Variants in NMNAT2 observed in about 807,000 individuals in gnomAD.
NMNAT2 encodes nicotinamide/nicotinic acid mononucleotide adenylyltransferase 2.
In NMNAT2, 11 loss-of-function variants were observed where a neutral mutation model predicts 41.6. That is an observed-to-expected ratio of 0.26 (90% CI 0.17 to 0.44). The LOEUF (loss-of-function observed/expected upper bound fraction) is 0.44, where lower values mean the gene tolerates loss of function less well. NMNAT2 is among the 20% of genes least tolerant of loss of function. The probability of loss-of-function intolerance (pLI) is 1.00; values close to 1 mark genes in which losing one functional copy is unlikely to be tolerated. For missense variants in NMNAT2, 288 were observed against 407.7 expected (o/e 0.71, Z 2.53); for synonymous variants, 148 against 151.2 (o/e 0.98, Z 0.16).
chr1:183,339,107 A>T (rs1460184612), intron 1 of NMNAT2, among the ~76,000 whole-genome samples: 2 of 151,532 alleles, frequency 1.3e-5, no homozygotes, highest in Non-Finnish European at 2.9e-5. Context: ...TTTTATTTTT[A>T]TTTTTTTTGA....
At position 183,406,310 on chromosome 1, in the gene NMNAT2, A is replaced by G. The variant is rs555298422; in HGVS notation, c.85+11873T>C. Among the ~76,000 whole-genome samples, 11 of 152,306 alleles carry G rather than the reference A, an allele frequency of 7.2e-5. No homozygotes were observed. The East Asian group carries it at 2.1e-3, about 29-fold the overall frequency. On this transcript the variant is annotated intron_variant, in intron 1 of 10. Transcript: ENST00000287713. ...ACTAGAGCTTGTGAAGCCGAAAGAGAAGGGTGCTGGGACAGAGTAGCTGTC... is the reference window on the plus strand; with the variant it reads ...ACTAGAGCTTGTGAAGCCGAAAGAGGAGGGTGCTGGGACAGAGTAGCTGTC...
intron 1 of NMNAT2, among the ~76,000 whole-genome samples, chr1:183,296,224 A>G (rs1227330872): frequency 2.0e-5 from 3 of 152,226 alleles, no homozygotes; most frequent in East Asian, 3.9e-4. Context: ...TTCATCTACC[A>G]AAGAACATCT....
chr1:183,415,530 C>T (rs1159845600), intron 1 of NMNAT2, among the ~76,000 whole-genome samples: 1 of 152,146 alleles, frequency 6.6e-6, no homozygotes, highest in African/African-American at 2.4e-5. Context: ...GCACTTCCTC[C>T]AGCCTTTGTT....
intron 1 of NMNAT2, among the ~76,000 whole-genome samples, chr1:183,324,740 C>G (rs1662425594): frequency 6.6e-6 from 1 of 152,162 alleles, no homozygotes; most frequent in Non-Finnish European, 1.5e-5. Context: ...CCTGTGCCGC[C>G]CTTTATCTCA....
chr1:183,259,291 T>C (rs938464692), intron 10 of NMNAT2, among the ~76,000 whole-genome samples: 1 of 152,220 alleles, frequency 6.6e-6, no homozygotes, highest in African/African-American at 2.4e-5. Flanking sequence ...TCTCCGCTTA[T>C]TGCCCATTGC....
chr1:183,394,159 A>C (rs1292416335), intron 1 of NMNAT2, among the ~76,000 whole-genome samples: 2 of 152,250 alleles, frequency 1.3e-5, no homozygotes, highest in East Asian at 3.8e-4. Context: ...AACTGGTAAC[A>C]GAATGGACAG....
intron 1 of NMNAT2, among the ~76,000 whole-genome samples, chr1:183,298,790 G>C (rs1407423875): frequency 6.6e-6 from 1 of 152,128 alleles, no homozygotes; most frequent in African/African-American, 2.4e-5. Context: ...AACAACAAGA[G>C]ACATACTATG....
chr1:183,402,353 C>T (rs1648835169), intron 1 of NMNAT2, among the ~76,000 whole-genome samples: 1 of 152,150 alleles, frequency 6.6e-6, no homozygotes, highest in Admixed American at 6.5e-5. Flanking sequence ...ATTATCTTTC[C>T]TAAAATAATA....
intron 1 of NMNAT2, among the ~76,000 whole-genome samples, chr1:183,414,618 A>G (rs1173890034): frequency 6.6e-6 from 1 of 152,236 alleles, no homozygotes; most frequent in Non-Finnish European, 1.5e-5. Context: ...CATCCCTGAA[A>G]GCATTTTAGT....
At chr1:183,409,170 C>T (rs1557902928) in intron 1 of NMNAT2, among the ~76,000 whole-genome samples, 1 of 151,304 alleles carries the variant, frequency 6.6e-6, no homozygotes, top group East Asian at 1.9e-4. Flanking sequence ...GACAGGGCAA[C>T]AAAGTGAGAC....
intron 1 of NMNAT2, among the ~76,000 whole-genome samples, chr1:183,347,721 C>G (rs898220741): frequency 2.6e-5 from 4 of 152,138 alleles, no homozygotes; most frequent in African/African-American, 9.7e-5. Context: ...AATGCAGTAA[C>G]AGCTGTGCAG....
At chr1:183,286,379 ACCAGGCCCGGC>A (rs1247734073) in intron 5 of NMNAT2, among the ~76,000 whole-genome samples, 1 of 152,160 alleles carries the variant, frequency 6.6e-6, no homozygotes, top group Non-Finnish European at 1.5e-5. Context: ...GGCGTGAGCC[ACCAGGCCCGGC>A]CCTACGTTTA....
intron 1 of NMNAT2, among the ~76,000 whole-genome samples, chr1:183,392,233 T>C (rs1648504126): frequency 6.6e-6 from 1 of 152,178 alleles, no homozygotes; most frequent in African/African-American, 2.4e-5. Flanking sequence ...CACCAATAAA[T>C]GGAAACTCCA....
intron 1 of NMNAT2, among the ~76,000 whole-genome samples, chr1:183,389,744 GAAAGAAAGAAA>G (rs1648384515): frequency 1.5e-4 from 1 of 6,732 alleles, no homozygotes; most frequent in Non-Finnish European, 2.9e-4. Context: ...AAAAAAGAAA[GAAAGAAAGAAA>G]GAAAGAAAGA....
chr1:183,352,151 T>C (rs997321931), intron 1 of NMNAT2, among the ~76,000 whole-genome samples: 7 of 152,112 alleles, frequency 4.6e-5, no homozygotes, highest in Non-Finnish European at 1.5e-5. Context: ...ATCAGGGGTT[T>C]CTCTTCAAGA....
chr1:183,292,933 A>T (rs1426667104), intron 2 of NMNAT2, 76 bp from the exon 3 acceptor site: 3 of 1,380,830 alleles, frequency 2.2e-6, no homozygotes, highest in Non-Finnish European at 3.1e-6. Context: ...GCCCAAGCCC[A>T]CCCATTGTTA....
chr1:183,355,044 T>C (rs777003864), intron 1 of NMNAT2, among the ~76,000 whole-genome samples: 1 of 152,234 alleles, frequency 6.6e-6, no homozygotes, highest in Non-Finnish European at 1.5e-5. Flanking sequence ...AGGCCCTGAA[T>C]GGTCCATGCA....
intron 9 of NMNAT2, 52 bp downstream of exon 9, chr1:183,261,150 A>T (rs1558108200): frequency 6.9e-6 from 11 of 1,602,446 alleles, no homozygotes; most frequent in Non-Finnish European, 8.5e-6. Flanking sequence ...AGCTGCCAGG[A>T]CTCTCAGAGA....
intron 5 of NMNAT2, among the ~76,000 whole-genome samples, chr1:183,286,210 T>C (rs1050367054): frequency 3.9e-5 from 6 of 152,174 alleles, no homozygotes; most frequent in African/African-American, 1.2e-4. Flanking sequence ...TAGCTGGGAC[T>C]ACAGGTGTGT....
Sources: gnomAD v4.1 joint callset for allele counts (sites outside exome capture counted in the v4.1 genomes callset) on GRCh38, gnomAD v4.1.1 for gene constraint, MANE v1.5 for transcripts, NCBI Gene and HGNC (gene_info 2026-07-23, HGNC 2026-07-21) for gene names.